RNF217: variants seen among roughly 807,000 people sequenced by gnomAD.
RNF217 encodes the protein ring finger protein 217, also known as E3 ubiquitin-protein ligase RNF217.
RNF217 carries 31 observed loss-of-function variants against 57.8 expected under a neutral mutation model. The ratio of observed to expected loss-of-function variants is 0.54; its 90% CI spans 0.40 to 0.72. The LOEUF is 0.72. RNF217 is among the 30% of genes least tolerant of loss of function. The pLI is 0.00. For missense variants in RNF217, 696 were observed against 708.3 expected (o/e 0.98, Z 0.20); for synonymous variants, 313 against 294.0 (o/e 1.06, Z -0.66).
chr6:125,022,135 G>A (rs1785867964), intron 1 of RNF217, among the ~76,000 whole-genome samples: 1 of 152,070 alleles, frequency 6.6e-6, no homozygotes, highest in South Asian at 2.1e-4. Context: ...ACCTACCTTG[G>A]CCTCCCAAAG....
intron 1 of RNF217, among the ~76,000 whole-genome samples, chr6:124,984,428 G>T (rs1784296036): frequency 6.6e-6 from 1 of 151,608 alleles, no homozygotes; most frequent in African/African-American, 2.4e-5. Flanking sequence ...CATGCCTGTA[G>T]TCCCAGCTAC....
intron 3 of RNF217, among the ~76,000 whole-genome samples, chr6:125,074,368 G>GGA (rs1378065900): frequency 6.6e-6 from 1 of 151,888 alleles, no homozygotes; most frequent in East Asian, 1.9e-4. Context: ...GGAGGAAGGG[G>GGA]GAGAGAGAGG....
intron 1 of RNF217, among the ~76,000 whole-genome samples, chr6:125,032,248 T>C (rs998689143): frequency 6.6e-6 from 1 of 152,140 alleles, no homozygotes; most frequent in Non-Finnish European, 1.5e-5. Context: ...AGAAAACCCA[T>C]AATTCATTAG....
chr6:125,023,799 C>G (rs1169459861), intron 1 of RNF217, among the ~76,000 whole-genome samples: 2 of 152,044 alleles, frequency 1.3e-5, no homozygotes, highest in Non-Finnish European at 2.9e-5. Context: ...GAGGACATTA[C>G]GTTGAGTAGG....
Position 125,076,823 on chromosome 6 carries a change from C to G in RNF217, c.1448C>G (p.Pro483Arg). ...GCKYRYLPER[P>R]HLRRLVRGSV... ...AAATATCGCTACCTCCCAGAGAGAC[C>G]TCATTTAAGGAGATTAGTGCGAGGG... is the stretch of plus-strand genomic sequence containing the variant. The change falls in exon 4 of 6, where the codon CCT (proline) becomes CGT (arginine). Residue 483 changes from proline (P) to arginine (R), a missense_variant. By Grantham distance (103) the Pro-to-Arg change is moderately radical. This residue lies in a region of RNF217 where 231 missense variants were observed against 321.4 expected (regional missense o/e 0.72). Transcript: ENST00000521654. 6.2e-7 allele frequency: 1 copy of G among 1,613,474 alleles called. No homozygotes were observed.
At chr6:125,005,248 T>G (rs1297682570) in intron 1 of RNF217, among the ~76,000 whole-genome samples, 1 of 152,206 alleles carries the variant, frequency 6.6e-6, no homozygotes, top group Non-Finnish European at 1.5e-5. Flanking sequence ...AGGACTGATG[T>G]AAACTCAGCC....
chr6:124,981,124 A>G (rs1425653243), intron 1 of RNF217, among the ~76,000 whole-genome samples: 2 of 152,220 alleles, frequency 1.3e-5, no homozygotes, highest in African/African-American at 2.4e-5. Flanking sequence ...GTGCTTAAGA[A>G]TACTGTTTAT....
At chr6:124,982,379 A>C (rs1784210193) in intron 1 of RNF217, among the ~76,000 whole-genome samples, 1 of 152,164 alleles carries the variant, frequency 6.6e-6, no homozygotes, top group Non-Finnish European at 1.5e-5. Flanking sequence ...TACCAACTTT[A>C]CTGAAAAATA....
chr6:125,034,808 A>G (rs1291988620), intron 1 of RNF217, among the ~76,000 whole-genome samples: 1 of 152,074 alleles, frequency 6.6e-6, no homozygotes, highest in Non-Finnish European at 1.5e-5. Context: ...TTTTCACGAT[A>G]TTGATTCTTC....
chr6:125,076,851 A>C lies in RNF217; in HGVS notation c.1476A>C (p.Ser492=). The change falls in exon 4 of 6, where the codon TCA becomes TCC. Residue 492 remains serine, a synonymous_variant. Transcript: ENST00000521654. ...ATTTAAGGAGATTAGTGCGAGGGTC[A>C]GTCTGTGGTGAGTGTCTGACATACT... The part of the protein sequence containing the change: ...RPHLRRLVRG[S]VCAGKLFIAP... 6.2e-7 allele frequency: 1 copy of C among 1,613,124 alleles called. No individual in the cohort carries two copies. Among genetic ancestry groups the C allele is most frequent in the South Asian group, 1.1e-5 (1 of 91,064 alleles).
chr6:125,049,216 A>G (rs1787214602), intron 2 of RNF217, among the ~76,000 whole-genome samples: 1 of 152,176 alleles, frequency 6.6e-6, no homozygotes, highest in Non-Finnish European at 1.5e-5. Flanking sequence ...TAATGTCCTT[A>G]TGTTATGCCT....
chr6:125,066,299 G>A (rs183231633), intron 3 of RNF217, among the ~76,000 whole-genome samples: 16 of 152,226 alleles, frequency 1.1e-4, no homozygotes, highest in Non-Finnish European at 5.9e-5. Flanking sequence ...ATTGTCTGTG[G>A]TTCCTATCTG....
Position 125,086,330 on chromosome 6 carries a change from A to C in RNF217, c.*3393A>C, listed in dbSNP as rs1286341712. ...GGAAATTTTTTTTCAATAAAAATAAAATTTGAGGAGATGTGTGTCAGATAA... is the reference window on the plus strand; with the variant it reads ...GGAAATTTTTTTTCAATAAAAATAACATTTGAGGAGATGTGTGTCAGATAA... On this transcript the variant is annotated 3_prime_UTR_variant, in exon 6 of 6. Coordinates refer to ENST00000521654, the MANE Select transcript of RNF217 (RefSeq NM_001286398.3). The C allele has an allele frequency of 6.7e-6, 1 of 149,338 alleles. No homozygotes were observed. The highest frequency in any genetic ancestry group is 1.5e-5 in the Non-Finnish European group (1 of 66,838). The allele number at this position is 149,338 out of a possible 1,614,324, so 9.3% of individuals were successfully genotyped here.
rs1189644598 is a variant in RNF217 at position 125,091,789 on chromosome 6, C to G, written c.*8852C>G. 1 of 152,148 alleles carries G rather than the reference C, an allele frequency of 6.6e-6. No individual in the cohort carries two copies. The highest frequency in any genetic ancestry group is 2.4e-5 in the African/African-American group (1 of 41,448). 9.4% of individuals were successfully genotyped at this position (152,148 alleles called of 1,614,324 possible). On this transcript the variant is annotated 3_prime_UTR_variant, in exon 6 of 6. Coordinates refer to ENST00000521654, the MANE Select transcript of RNF217 (RefSeq NM_001286398.3). The stretch of plus-strand genomic sequence containing the variant: ...ATTTTGTCAGTAATATACTTTCATA[C>G]AGATGCTAGAGAACCATGGTGTCTG...
chr6:125,012,281 A>G (rs531709528), intron 1 of RNF217, among the ~76,000 whole-genome samples: 4 of 152,298 alleles, frequency 2.6e-5, no homozygotes, highest in Non-Finnish European at 4.4e-5. Flanking sequence ...CAGAATGACT[A>G]TGTTTCAGTT....
At chr6:125,043,266 C>G (rs1463446434) in intron 1 of RNF217, among the ~76,000 whole-genome samples, 1 of 152,018 alleles carries the variant, frequency 6.6e-6, no homozygotes, top group East Asian at 1.9e-4. Context: ...TCTCTTTCCT[C>G]CAGGCCTTTG....
chr6:125,052,319 TGG>T (rs1491059740), intron 2 of RNF217, among the ~76,000 whole-genome samples: 1,589 of 147,296 alleles, frequency 0.011, 34 homozygotes, highest in African/African-American at 0.04. Context: ...TGTGTGTGTG[TGG>T]TTTTATTTGT....
intron 1 of RNF217, among the ~76,000 whole-genome samples, chr6:124,994,151 GAT>G (rs1215566975): frequency 6.6e-6 from 1 of 152,106 alleles, no homozygotes; most frequent in Non-Finnish European, 1.5e-5. Context: ...GTATATAAGG[GAT>G]GTGTGTGTAT....
chr6:124,963,018 C>T lies in RNF217; in HGVS notation c.474C>T (p.Ala158=), dbSNP rs778892841. ...DVLGQRRPSL[A]KRQVFCSVYC... is the part of the protein sequence containing the mutation. ...TGGGTCAGCGGCGCCCGTCCCTCGC[C>T]AAGAGACAAGTCTTCTGCTCCGTGT... Residue 158 remains alanine (A), a synonymous_variant, in exon 1 of 6, where the codon GCC becomes GCT. Transcript: ENST00000521654. 1 of 1,594,280 alleles carries T rather than the reference C, an allele frequency of 6.3e-7. No homozygotes were observed. Among genetic ancestry groups the T allele is most frequent in the South Asian group, 1.1e-5 (1 of 90,442 alleles).
Sources: gnomAD v4.1 joint callset for allele counts (sites outside exome capture counted in the v4.1 genomes callset) on GRCh38, gnomAD v4.1.1 for gene constraint, gnomAD v4.1.1 regional missense constraint, MANE v1.5 for transcripts, NCBI Gene and HGNC (gene_info 2026-07-23, HGNC 2026-07-21) for gene names.